The following GPR39 variants were observed in gnomAD, a reference collection of about 807,000 sequenced individuals.
The protein encoded by GPR39 is zinc sensing receptor.
In GPR39, 23 loss-of-function variants were observed where a neutral mutation model predicts 18.4. That is an observed-to-expected ratio of 1.25 (90% CI 0.90 to 1.77). The LOEUF is 1.77. Among genes scored for constraint, GPR39 ranks in the 40% most tolerant of loss-of-function variants. GPR39 has a pLI of 0.00. For synonymous variants in GPR39, 280 were observed against 257.9 expected (o/e 1.09, Z -0.82); for missense variants, 647 against 602.4 (o/e 1.07, Z -0.78).
chr2:132,564,803 C>CTTTTTT (rs1680316668), intron 1 of GPR39, among the ~76,000 whole-genome samples: 2 of 91,708 alleles, frequency 2.2e-5, no homozygotes, highest in East Asian at 8.0e-4. Flanking sequence ...CTATTTTTTT[C>CTTTTTT]TTTTTTCTTT....
At position 132,489,463 on chromosome 2, in the gene GPR39, C is replaced by T. The variant is rs181676655; in HGVS notation, c.856+71565C>T. On this transcript the variant is annotated intron_variant, in intron 1 of 1. Coordinates refer to ENST00000329321, the MANE Select transcript of GPR39 (RefSeq NM_001508.3). ...GGGCTGCTCAGGGTTCCCTGCGGGC[C>T]GCTCCCTCCTGGACTTTCTTGACTG... Among the ~76,000 whole-genome samples the T allele has an allele frequency of 8.7e-3, 1,320 of 152,144 alleles. 48 individuals carry two copies. The highest frequency in any genetic ancestry group is 0.03 in the African/African-American group (1,250 of 41,434).
chr2:132,640,875 G>A (rs553277062), intron 1 of GPR39, among the ~76,000 whole-genome samples: 5 of 152,106 alleles, frequency 3.3e-5, no homozygotes, highest in Admixed American at 2.6e-4. Context: ...GTAAAAATGA[G>A]CAATTACTTG....
intron 1 of GPR39, among the ~76,000 whole-genome samples, chr2:132,544,719 C>T (rs1679912199): frequency 6.6e-6 from 1 of 152,158 alleles, no homozygotes; most frequent in Non-Finnish European, 1.5e-5. Flanking sequence ...TTCAGTGGTC[C>T]CTGAGTTCTT....
At chr2:132,506,988 T>G (rs1184178914) in intron 1 of GPR39, among the ~76,000 whole-genome samples, 1 of 152,170 alleles carries the variant, frequency 6.6e-6, no homozygotes, top group Non-Finnish European at 1.5e-5. Flanking sequence ...TGAGTTGATT[T>G]TTTTCTCTTC....
chr2:132,529,081 A>G (rs1679562379), intron 1 of GPR39, among the ~76,000 whole-genome samples: 1 of 152,170 alleles, frequency 6.6e-6, no homozygotes, highest in Admixed American at 6.5e-5. Context: ...AGGAAGCACA[A>G]GGGGTCAGGG....
intron 1 of GPR39, among the ~76,000 whole-genome samples, chr2:132,619,661 G>A (rs1235881084): frequency 2.0e-5 from 3 of 152,152 alleles, no homozygotes; most frequent in Non-Finnish European, 4.4e-5. Flanking sequence ...CCTCCTGGGA[G>A]GAAAGGTGGC....
At chr2:132,433,010 A>T (rs557966663) in intron 1 of GPR39, among the ~76,000 whole-genome samples, 2 of 152,216 alleles carry the variant, frequency 1.3e-5, no homozygotes, top group South Asian at 4.1e-4. Flanking sequence ...TTTTTTCCCA[A>T]TAAACGTATT....
At chr2:132,487,814 T>C (rs1681372832) in intron 1 of GPR39, among the ~76,000 whole-genome samples, 1 of 151,932 alleles carries the variant, frequency 6.6e-6, no homozygotes, top group African/African-American at 2.4e-5. Context: ...TTTACAGATA[T>C]CTAATGAGAA....
chr2:132,426,539 C>A (rs1680121140), intron 1 of GPR39, among the ~76,000 whole-genome samples: 1 of 152,222 alleles, frequency 6.6e-6, no homozygotes, highest in Admixed American at 6.5e-5. Flanking sequence ...CTGTACCCCT[C>A]ATCATTTGGC....
chr2:132,471,649 G>A (rs1276558376), intron 1 of GPR39, among the ~76,000 whole-genome samples: 1 of 148,272 alleles, frequency 6.7e-6, no homozygotes, highest in Non-Finnish European at 1.5e-5. Flanking sequence ...AGCCCAGCAA[G>A]GAGTTTTTTT....
At chr2:132,492,983 T>G (rs550052380) in intron 1 of GPR39, among the ~76,000 whole-genome samples, 9 of 143,644 alleles carry the variant, frequency 6.3e-5, no homozygotes, top group Non-Finnish European at 1.1e-4. Flanking sequence ...ATACACCATA[T>G]ATACACCATA....
chr2:132,498,396 C>T (rs1018495677), intron 1 of GPR39, among the ~76,000 whole-genome samples: 3 of 152,342 alleles, frequency 2.0e-5, no homozygotes, highest in South Asian at 2.1e-4. Context: ...CAGGTTGCTG[C>T]ATATGCCATT....
chr2:132,530,310 G>A (rs1169034256), intron 1 of GPR39, among the ~76,000 whole-genome samples: 1 of 152,086 alleles, frequency 6.6e-6, no homozygotes, highest in Non-Finnish European at 1.5e-5. Context: ...AGAGAAAAAA[G>A]AATAAAAAGA....
intron 1 of GPR39, among the ~76,000 whole-genome samples, chr2:132,620,028 T>C (rs1404115145): frequency 3.9e-5 from 6 of 152,158 alleles, no homozygotes; most frequent in Admixed American, 2.6e-4. Flanking sequence ...GGTGTCAAAA[T>C]GCTCAACTCC....
At chr2:132,535,708 G>GTTTTTTTTTT (rs1679743745) in intron 1 of GPR39, among the ~76,000 whole-genome samples, 2 of 46,714 alleles carry the variant, frequency 4.3e-5, no homozygotes, top group African/African-American at 9.5e-5. Context: ...TTTTTTTTTG[G>GTTTTTTTTTT]TTGGTAGGCT....
At chr2:132,625,072 ATTT>A (rs113383110) in intron 1 of GPR39, among the ~76,000 whole-genome samples, 21,021 of 141,238 alleles carry the variant, frequency 0.15, 1,656 homozygotes, top group Middle Eastern at 0.24. Context: ...AGGTGCTCCA[ATTT>A]TTTTTTTTTT....
chr2:132,500,512 T>C (rs1396452624), intron 1 of GPR39, among the ~76,000 whole-genome samples: 1 of 152,198 alleles, frequency 6.6e-6, no homozygotes, highest in Non-Finnish European at 1.5e-5. Context: ...TGCATCTGTG[T>C]TCATCAGGGA....
chr2:132,476,796 G>C (rs1233353371), intron 1 of GPR39, among the ~76,000 whole-genome samples: 2 of 152,178 alleles, frequency 1.3e-5, no homozygotes, highest in Non-Finnish European at 2.9e-5. Flanking sequence ...AAATGTAAAG[G>C]AGTCCATTTC....
intron 1 of GPR39, among the ~76,000 whole-genome samples, chr2:132,514,948 C>T (rs998356841): frequency 3.9e-5 from 6 of 152,194 alleles, no homozygotes; most frequent in South Asian, 2.1e-4. Context: ...AGAGTATCTG[C>T]CACTGGCTGA....
Sources: allele counts gnomAD v4.1 joint callset (sites outside exome capture counted in the v4.1 genomes callset), GRCh38; gene constraint gnomAD v4.1.1; transcripts MANE v1.5; gene names NCBI Gene and HGNC (gene_info 2026-07-23, HGNC 2026-07-21).